CSE1L: variants seen among roughly 807,000 people sequenced by gnomAD.
CSE1L encodes exportin-2.
Under a neutral mutation model 120.4 loss-of-function variants are expected in CSE1L, and 24 were observed. That is an observed-to-expected ratio of 0.20 (90% CI 0.14 to 0.28). The LOEUF (loss-of-function observed/expected upper bound fraction) is 0.28, where lower values mean the gene tolerates loss of function less well. Among genes scored for constraint, CSE1L ranks in the 10% least tolerant of loss-of-function variants. The pLI, the probability that CSE1L is intolerant of heterozygous loss-of-function variation, is 1.00. For missense variants in CSE1L, 830 were observed against 1,145.2 expected (o/e 0.72, Z 3.97); for synonymous variants, 402 against 398.3 (o/e 1.01, Z -0.11).
At position 49,094,889 on chromosome 20, in the gene CSE1L, G is replaced by A. The variant is rs776732443; in HGVS notation, c.2752G>A (p.Gly918Ser). ...FAGKKEHDPV[G>S]QMVNNPKIHL... The stretch of plus-strand genomic sequence containing the variant: ...TGGGAAAAAAGAGCATGATCCTGTA[G>A]GTCAAATGGTGAATAACCCCAAAAT... The change falls in exon 24 of 25, where the codon GGT becomes AGT. Residue 918 changes from glycine to serine, a missense_variant. Coordinates refer to ENST00000262982, the MANE Select transcript of CSE1L (RefSeq NM_001316.4). 1.2e-6 allele frequency: 2 copies of A among 1,614,096 alleles called. No individual in the cohort carries two copies. Among genetic ancestry groups the A allele is most frequent in the Admixed American group, 3.3e-5 (2 of 60,004 alleles).
At chr20:49,065,019 T>C (rs1322609702) in intron 3 of CSE1L, among the ~76,000 whole-genome samples, 1 of 151,248 alleles carries the variant, frequency 6.6e-6, no homozygotes, top group Non-Finnish European at 1.5e-5. Context: ...TAGCCAGGTG[T>C]GGTCGTGTGT....
intron 6 of CSE1L, 152 bp from the exon 7 acceptor site, chr20:49,068,563 C>A (rs900314296): frequency 9.6e-6 from 5 of 521,752 alleles, no homozygotes; most frequent in Non-Finnish European, 1.4e-5. Context: ...TGTGCCACTG[C>A]GCTCCAGCCT....
intron 1 of CSE1L, among the ~76,000 whole-genome samples, chr20:49,054,602 G>A (rs1314689238): frequency 6.6e-6 from 1 of 152,108 alleles, no homozygotes; most frequent in Admixed American, 6.5e-5. Flanking sequence ...TCATTGTGTG[G>A]AATAAATGAT....
chr20:49,082,742 C>T (rs1015712835), intron 14 of CSE1L, among the ~76,000 whole-genome samples: 2 of 150,778 alleles, frequency 1.3e-5, no homozygotes, highest in Non-Finnish European at 3.0e-5. Context: ...AGGATGGTCT[C>T]GATCTCCTGA....
chr20:49,049,767 A>G (rs929652621), intron 1 of CSE1L, among the ~76,000 whole-genome samples: 1 of 152,234 alleles, frequency 6.6e-6, no homozygotes, highest in African/African-American at 2.4e-5. Context: ...CTTAAAGAAT[A>G]TTCCCAAAGA....
At position 49,093,391 on chromosome 20, in the gene CSE1L, C is replaced by T. The variant is rs891720361; in HGVS notation, c.2448-749C>T. On this transcript the variant is annotated intron_variant, in intron 22 of 24. Coordinates refer to ENST00000262982, the MANE Select transcript of CSE1L (RefSeq NM_001316.4). ...GAATTACGGAAAACTTCACTTCTAGCATGTTTGCAACAACATAGAATGATT... is the reference window on the plus strand; with the variant it reads ...GAATTACGGAAAACTTCACTTCTAGTATGTTTGCAACAACATAGAATGATT... Among the ~76,000 whole-genome samples, 3 of 151,002 alleles carry T rather than the reference C, an allele frequency of 2.0e-5. No individual in the cohort carries two copies. In the East Asian group the frequency reaches 5.8e-4, roughly 29 times the overall value.
chr20:49,091,898 G>C, intron 21 of CSE1L, 148 bp from the exon 22 acceptor site: 1 of 608,946 alleles, frequency 1.6e-6, no homozygotes, highest in East Asian at 3.0e-5. Context: ...ATGACAGAAA[G>C]ACAAGTTTTC....
At chr20:49,086,396 A>C (rs2092058347) in intron 16 of CSE1L, among the ~76,000 whole-genome samples, 1 of 87,670 alleles carries the variant, frequency 1.1e-5, no homozygotes, top group South Asian at 3.1e-4. Context: ...ATGGAGTTTC[A>C]CTCTTGTTGC....
intron 11 of CSE1L, 39 bp from the exon 12 acceptor site, chr20:49,075,279 T>G (rs1303308773): frequency 4.0e-6 from 6 of 1,495,754 alleles, no homozygotes; most frequent in Non-Finnish European, 4.6e-6. Flanking sequence ...TTGGTGGTTG[T>G]TTTTTTTCCC....
At chr20:49,060,750 T>TA in intron 2 of CSE1L, among the ~76,000 whole-genome samples, 1 of 150,936 alleles carries the variant, frequency 6.6e-6, no homozygotes, top group East Asian at 2.0e-4. Flanking sequence ...CACTCCAGCC[T>TA]AGGTGACAGA....
intron 1 of CSE1L, among the ~76,000 whole-genome samples, chr20:49,055,147 C>T (rs1038839595): frequency 1.1e-4 from 17 of 152,166 alleles, no homozygotes; most frequent in African/African-American, 3.4e-4. Context: ...TGTAATCAAA[C>T]GTATTGATAT....
intron 2 of CSE1L, among the ~76,000 whole-genome samples, chr20:49,061,883 A>G (rs1298567782): frequency 6.6e-6 from 1 of 152,026 alleles, no homozygotes; most frequent in Non-Finnish European, 1.5e-5. Flanking sequence ...ATAATCTGGT[A>G]TTTCTGGGAA....
intron 14 of CSE1L, among the ~76,000 whole-genome samples, chr20:49,080,904 G>A (rs1346330685): frequency 6.6e-6 from 1 of 152,076 alleles, no homozygotes. Flanking sequence ...GCCTCCCTGA[G>A]TAGCCAAGAC....
At chr20:49,060,438 C>T (rs1253721256) in intron 2 of CSE1L, among the ~76,000 whole-genome samples, 1 of 150,084 alleles carries the variant, frequency 6.7e-6, no homozygotes, top group Non-Finnish European at 1.5e-5. Context: ...ACCGAGGCCA[C>T]TGCACTCCAG....
At chr20:49,065,143 T>C (rs1425293873) in intron 3 of CSE1L, among the ~76,000 whole-genome samples, 1 of 126,682 alleles carries the variant, frequency 7.9e-6, no homozygotes, top group Non-Finnish European at 1.6e-5. Flanking sequence ...GGGTGACAGA[T>C]GGAAACCCAG....
intron 2 of CSE1L, among the ~76,000 whole-genome samples, chr20:49,060,799 A>T (rs910831015): frequency 2.6e-5 from 4 of 152,032 alleles, no homozygotes; most frequent in African/African-American, 9.7e-5. Context: ...ATTGAAATAC[A>T]GTGCAAGCCA....
chr20:49,055,342 T>C (rs2091798131), intron 1 of CSE1L, among the ~76,000 whole-genome samples: 2 of 152,218 alleles, frequency 1.3e-5, no homozygotes, highest in South Asian at 4.1e-4. Context: ...ACTTGGCATT[T>C]CAGTTGTGTC....
At chr20:49,084,678 T>C (rs888926159) in intron 15 of CSE1L, among the ~76,000 whole-genome samples, 1 of 152,084 alleles carries the variant, frequency 6.6e-6, no homozygotes, top group Admixed American at 6.6e-5. Flanking sequence ...ACCAAGAAAA[T>C]AGGTCTTCTG....
At chr20:49,084,865 A>G (rs1308391437) in intron 15 of CSE1L, among the ~76,000 whole-genome samples, 3 of 152,198 alleles carry the variant, frequency 2.0e-5, no homozygotes, top group Non-Finnish European at 4.4e-5. Context: ...AAGGGTAGAA[A>G]GGACATCCTT....
Sources: allele counts gnomAD v4.1 joint callset (sites outside exome capture counted in the v4.1 genomes callset), GRCh38; gene constraint gnomAD v4.1.1; transcripts MANE v1.5; gene names NCBI Gene and HGNC (gene_info 2026-07-23, HGNC 2026-07-21).